The following MANBA variants were observed in gnomAD, a reference collection of about 807,000 sequenced individuals.
MANBA encodes the protein beta-mannosidase.
MANBA carries 83 observed loss-of-function variants against 111.1 expected under a neutral mutation model. The ratio of observed to expected loss-of-function variants is 0.75; its 90% CI spans 0.63 to 0.90. The LOEUF (loss-of-function observed/expected upper bound fraction) is 0.90, where lower values mean the gene tolerates loss of function less well. Among genes scored for constraint, MANBA ranks in the 40% least tolerant of loss-of-function variants. The pLI is 0.00. For missense variants in MANBA, 1,036 were observed against 1,069.0 expected (o/e 0.97, Z 0.43); for synonymous variants, 370 against 378.7 (o/e 0.98, Z 0.27).
chr4:102,738,283 T>C (rs1723288987), intron 1 of MANBA, among the ~76,000 whole-genome samples: 1 of 152,252 alleles, frequency 6.6e-6, no homozygotes, highest in Non-Finnish European at 1.5e-5. Context: ...ACAACTTCAC[T>C]GCTAGCATAA....
intron 1 of MANBA, chr4:102,728,036 G>A: frequency 4.1e-6 from 2 of 492,328 alleles, no homozygotes; most frequent in Non-Finnish European, 8.0e-6. Context: ...TCTGACCACA[G>A]GTAGGGCTTT....
At chr4:102,658,624 T>C (rs1403008409) in intron 11 of MANBA, among the ~76,000 whole-genome samples, 1 of 152,232 alleles carries the variant, frequency 6.6e-6, no homozygotes, top group Admixed American at 6.5e-5. Flanking sequence ...CACCAATTCA[T>C]GTTCTCGTTT....
chr4:102,729,742 T>C, intron 1 of MANBA: 1 of 1,360,224 alleles, frequency 7.4e-7, no homozygotes, highest in Non-Finnish European at 1.0e-6. Flanking sequence ...AGGTTGTTGA[T>C]GTAGCTCTGG....
chr4:102,742,813 G>A (rs1723453753), intron 1 of MANBA, among the ~76,000 whole-genome samples: 1 of 152,246 alleles, frequency 6.6e-6, no homozygotes, highest in Non-Finnish European at 1.5e-5. Context: ...CACGATAGAA[G>A]CAGTTCAATA....
chr4:102,664,740 T>C lies in MANBA; in HGVS notation c.1430A>G (p.Tyr477Cys), dbSNP rs200133664. The C allele has an allele frequency of 6.0e-5, 97 of 1,613,338 alleles. No homozygotes were observed. The highest frequency in any genetic ancestry group is 1.6e-4 in the Middle Eastern group (1 of 6,082). Reference protein sequence around the residue: ...YHISFTDRPIYIKDYVTLYVK... With the variant: ...YHISFTDRPICIKDYVTLYVK... ...ATAGAGTGTCACATAGTCCTTGATGTAGATTGGCCGGTCAGTGAAACTGAT... is the reference window on the plus strand; with the variant it reads ...ATAGAGTGTCACATAGTCCTTGATGCAGATTGGCCGGTCAGTGAAACTGAT... Residue 477 changes from tyrosine (Y) to cysteine (C), a missense_variant, in exon 11 of 17, where the codon TAC becomes TGC. Transcript: ENST00000647097.
intron 1 of MANBA, among the ~76,000 whole-genome samples, chr4:102,745,749 C>G (rs747211906): frequency 6.6e-6 from 1 of 152,194 alleles, no homozygotes; most frequent in Non-Finnish European, 1.5e-5. Flanking sequence ...ATCAATAAGT[C>G]CAGCCTGATC....
intron 12 of MANBA, 51 bp downstream of exon 12, chr4:102,657,631 A>G (rs1165382502): frequency 7.1e-7 from 1 of 1,400,994 alleles, no homozygotes; most frequent in African/African-American, 1.4e-5. Context: ...GAATAAACAC[A>G]TGCCCACAGT....
Position 102,639,862 on chromosome 4 carries a change from T to A in MANBA, c.1870-5A>T, listed in dbSNP as rs112151550. ...GACACACTGGGCCTGCATCACCTGATTCAGGAAAACATTCATACACAGGTG... is the reference window on the plus strand; with the variant it reads ...GACACACTGGGCCTGCATCACCTGAATCAGGAAAACATTCATACACAGGTG... On this transcript the variant is annotated splice_polypyrimidine_tract_variant and splice_region_variant and intron_variant, in intron 13 of 16. Transcript: ENST00000647097. 18 of 1,614,024 alleles carry A rather than the reference T, an allele frequency of 1.1e-5. No homozygotes were observed. The highest frequency in any genetic ancestry group is 1.6e-4 in the Middle Eastern group (1 of 6,062).
chr4:102,754,001 T>TG, intron 1 of MANBA: 1 of 168,626 alleles, frequency 5.9e-6, no homozygotes, highest in Non-Finnish European at 1.0e-5. Context: ...AGACTCTGTC[T>TG]CAAAAAAAAA....
At chr4:102,650,249 T>C (rs550606883) in intron 13 of MANBA, among the ~76,000 whole-genome samples, 2 of 152,342 alleles carry the variant, frequency 1.3e-5, no homozygotes, top group East Asian at 3.8e-4. Flanking sequence ...CCTTGGGAAA[T>C]GGCACTGTCT....
chr4:102,717,875 T>G (rs1722404594), intron 4 of MANBA, among the ~76,000 whole-genome samples: 1 of 152,162 alleles, frequency 6.6e-6, no homozygotes, highest in South Asian at 2.1e-4. Flanking sequence ...GAGAAGCTGT[T>G]GAAGAGTTTG....
At chr4:102,718,106 A>G (rs1203074224) in intron 4 of MANBA, among the ~76,000 whole-genome samples, 1 of 152,252 alleles carries the variant, frequency 6.6e-6, no homozygotes, top group Non-Finnish European at 1.5e-5. Flanking sequence ...CATCAAGAGG[A>G]CTAAGCAATA....
chr4:102,655,328 T>C (rs183571831), intron 12 of MANBA, among the ~76,000 whole-genome samples: 2 of 152,246 alleles, frequency 1.3e-5, no homozygotes, highest in Admixed American at 6.5e-5. Flanking sequence ...CAAGACTCAT[T>C]TGGAAATGCA....
At chr4:102,729,343 T>C in intron 1 of MANBA, 1 of 758,562 alleles carries the variant, frequency 1.3e-6, no homozygotes, top group Admixed American at 1.7e-5. Context: ...GCTCTCAGCC[T>C]TGGCCTGGCT....
intron 7 of MANBA, among the ~76,000 whole-genome samples, chr4:102,688,486 A>T (rs1032764810): frequency 1.3e-5 from 2 of 152,060 alleles, no homozygotes; most frequent in African/African-American, 4.8e-5. Context: ...CTCCTGAAGG[A>T]CATATCTCCA....
chr4:102,757,255 G>A (rs577119632), intron 1 of MANBA, among the ~76,000 whole-genome samples: 3 of 152,232 alleles, frequency 2.0e-5, no homozygotes, highest in Middle Eastern at 6.8e-3. Flanking sequence ...CTTGAACCCA[G>A]GAGGCAGAGG....
chr4:102,666,769 C>T (rs1731246048), intron 10 of MANBA: 1 of 152,136 alleles, frequency 6.6e-6, no homozygotes, highest in Admixed American at 6.5e-5. Context: ...TAAAATGAAA[C>T]ACAGTTACAG....
intron 12 of MANBA, among the ~76,000 whole-genome samples, chr4:102,651,991 T>C (rs1730354587): frequency 6.6e-6 from 1 of 152,196 alleles, no homozygotes; most frequent in South Asian, 2.1e-4. Flanking sequence ...AGTGTACACA[T>C]TTATGGGGTA....
rs751065116 is a variant in MANBA at position 102,650,599 on chromosome 4, A to G, written c.1807T>C (p.Phe603Leu). 6.2e-7 allele frequency: 1 copy of G among 1,613,510 alleles called. No individual in the cohort carries two copies. Among genetic ancestry groups the G allele is most frequent in the Non-Finnish European group, 8.5e-7 (1 of 1,179,470 alleles). The part of the protein sequence containing the change: ...KQMLYQAGLH[F>L]KLPQSTDPLR... Reference sequence around the variant, plus strand: ...GGATCTGTGCTTTGGGGGAGTTTGAAATGAAGTCCAGCCTGATAAAGCATT... The same window carrying G: ...GGATCTGTGCTTTGGGGGAGTTTGAGATGAAGTCCAGCCTGATAAAGCATT... The change falls in exon 13 of 17, where the codon TTC becomes CTC. Residue 603 changes from phenylalanine to leucine, a missense_variant. Phe to Leu is a conservative substitution (Grantham distance 22). Transcript: ENST00000647097.
Sources: gnomAD v4.1 joint callset for allele counts (sites outside exome capture counted in the v4.1 genomes callset) on GRCh38, gnomAD v4.1.1 for gene constraint, MANE v1.5 for transcripts, NCBI Gene and HGNC (gene_info 2026-07-23, HGNC 2026-07-21) for gene names.